RAPGEF5: variants seen among roughly 807,000 people sequenced by gnomAD.
RAPGEF5 encodes the protein Rap guanine nucleotide exchange factor 5.
Under a neutral mutation model 125.2 loss-of-function variants are expected in RAPGEF5, and 65 were observed. That is an observed-to-expected ratio of 0.52 (90% CI 0.43 to 0.64). The LOEUF (loss-of-function observed/expected upper bound fraction) is 0.64, where lower values mean the gene tolerates loss of function less well. Among genes scored for constraint, RAPGEF5 ranks in the 30% least tolerant of loss-of-function variants. The pLI is 0.00. For missense variants in RAPGEF5, 958 were observed against 1,048.1 expected, an observed-to-expected ratio of 0.91 and a Z score of 1.19; for synonymous variants, 391 against 385.9, an observed-to-expected ratio of 1.01 and a Z score of -0.16.
At chr7:22,316,343 T>G (rs948910278) in intron 2 of RAPGEF5, among the ~76,000 whole-genome samples, 10 of 100,666 alleles carry the variant, frequency 9.9e-5, no homozygotes, top group African/African-American at 4.4e-4. Context: ...TTTTTATGTA[T>G]CTACTATATA....
At chr7:22,306,750 C>A (rs1583566377) in intron 5 of RAPGEF5, among the ~76,000 whole-genome samples, 1 of 152,114 alleles carries the variant, frequency 6.6e-6, no homozygotes. Flanking sequence ...AGATAGGGGT[C>A]TAGTTTCATT....
chr7:22,122,713 A>C (rs1233244356), intron 25 of RAPGEF5, among the ~76,000 whole-genome samples, 192 bp from the exon 26 acceptor site: 1 of 152,262 alleles, frequency 6.6e-6, no homozygotes, highest in African/African-American at 2.4e-5. Flanking sequence ...CAGGTCAGGC[A>C]ATCAGACTGG....
intron 7 of RAPGEF5, among the ~76,000 whole-genome samples, chr7:22,232,754 C>T (rs1018348515): frequency 9.9e-5 from 15 of 152,214 alleles, no homozygotes; most frequent in African/African-American, 2.4e-4. Context: ...GCTGTGCATA[C>T]AGTAGGGCTC....
chr7:22,241,075 T>C (rs1159421796), intron 7 of RAPGEF5, among the ~76,000 whole-genome samples: 1 of 152,224 alleles, frequency 6.6e-6, no homozygotes, highest in Non-Finnish European at 1.5e-5. Flanking sequence ...CCTGAGTCTT[T>C]TGATTTGCTT....
In RAPGEF5 at chr7:22,280,085, G is replaced by C. The variant is rs577212114; in HGVS notation, c.747+11090C>G. Among the ~76,000 whole-genome samples, 12 of 152,284 alleles carry C rather than the reference G, an allele frequency of 7.9e-5. No homozygotes were observed. In the East Asian group the frequency reaches 2.3e-3, roughly 29 times the overall value. On this transcript the variant is annotated intron_variant, in intron 6 of 25. Coordinates refer to ENST00000665637, the MANE Select transcript of RAPGEF5 (RefSeq NM_012294.5). ...GTGAGAAGGAAGCCAGAGGCTGGAG[G>C]AACAGTCCTAAAGTTTCAGAAGAAG...
chr7:22,196,799 C>G (rs1302083735), intron 9 of RAPGEF5, among the ~76,000 whole-genome samples: 1 of 152,184 alleles, frequency 6.6e-6, no homozygotes, highest in Non-Finnish European at 1.5e-5. Context: ...ACTAAGACAG[C>G]CTGCCTGCCA....
At chr7:22,161,292 A>G (rs1487685270) in intron 13 of RAPGEF5, among the ~76,000 whole-genome samples, 2 of 152,096 alleles carry the variant, frequency 1.3e-5, no homozygotes, top group Non-Finnish European at 2.9e-5. Flanking sequence ...GTAAATCCCA[A>G]CACTTTGGGA....
intron 13 of RAPGEF5, among the ~76,000 whole-genome samples, chr7:22,161,040 C>CA (rs58855860): frequency 1.0e-3 from 153 of 146,082 alleles, no homozygotes; most frequent in Middle Eastern, 7.1e-3. Flanking sequence ...ACTAAAAATA[C>CA]AAAAAAAAAA....
At chr7:22,273,685 A>G (rs1474375104) in intron 6 of RAPGEF5, among the ~76,000 whole-genome samples, 1 of 152,254 alleles carries the variant, frequency 6.6e-6, no homozygotes, top group Non-Finnish European at 1.5e-5. Flanking sequence ...TTAAACGTCT[A>G]TTAAGTCTGC....
chr7:22,285,773 T>C (rs1782782288), intron 6 of RAPGEF5, among the ~76,000 whole-genome samples: 1 of 152,206 alleles, frequency 6.6e-6, no homozygotes, highest in South Asian at 2.1e-4. Flanking sequence ...TCCAGTGGTA[T>C]TTCTCAGAGG....
chr7:22,353,136 G>A (rs918785346), intron 1 of RAPGEF5, among the ~76,000 whole-genome samples: 1 of 152,106 alleles, frequency 6.6e-6, no homozygotes, highest in African/African-American at 2.4e-5. Flanking sequence ...CAGAATAGAG[G>A]AACAAGCTAA....
At chr7:22,196,410 A>G (rs559848849) in intron 9 of RAPGEF5, among the ~76,000 whole-genome samples, 3 of 152,380 alleles carry the variant, frequency 2.0e-5, no homozygotes, top group Admixed American at 6.5e-5. Flanking sequence ...AATATATTCA[A>G]TGACAAATAG....
At chr7:22,245,379 T>A (rs1562486219) in intron 7 of RAPGEF5, among the ~76,000 whole-genome samples, 1 of 152,204 alleles carries the variant, frequency 6.6e-6, no homozygotes, top group Non-Finnish European at 1.5e-5. Context: ...TCCACAAAAA[T>A]CATTGTCTAG....
At chr7:22,222,098 A>T (rs1018646905) in intron 8 of RAPGEF5, among the ~76,000 whole-genome samples, 2 of 152,114 alleles carry the variant, frequency 1.3e-5, no homozygotes, top group Admixed American at 1.3e-4. Flanking sequence ...AATACAAAAA[A>T]TTAGCCGGGC....
intron 22 of RAPGEF5, among the ~76,000 whole-genome samples, chr7:22,136,706 T>C (rs757365478): frequency 6.6e-6 from 1 of 152,090 alleles, no homozygotes; most frequent in African/African-American, 2.4e-5. Flanking sequence ...TCTGAAAAAA[T>C]CACACTAAAA....
chr7:22,260,294 G>T (rs1167631556), intron 7 of RAPGEF5, among the ~76,000 whole-genome samples: 3 of 152,122 alleles, frequency 2.0e-5, no homozygotes, highest in Admixed American at 2.0e-4. Flanking sequence ...ATAACCACAT[G>T]TCAATGGAGG....
chr7:22,236,906 AT>A (rs1786205176), intron 7 of RAPGEF5, among the ~76,000 whole-genome samples: 1 of 152,166 alleles, frequency 6.6e-6, no homozygotes, highest in African/African-American at 2.4e-5. Flanking sequence ...GATACCTGTG[AT>A]CCCCACTCTA....
chr7:22,154,574 G>C lies in RAPGEF5; in HGVS notation c.1667C>G (p.Ser556Cys). The C allele has an allele frequency of 2.5e-6, 4 of 1,613,774 alleles. No homozygotes were observed. In the South Asian group the frequency reaches 4.4e-5, roughly 18 times the overall value. Residue 556 changes from serine (S) to cysteine (C), a missense_variant, in exon 17 of 26, where the codon TCC becomes TGC. By Grantham distance (112) the Ser-to-Cys change is moderately radical (BLOSUM62 -1). Transcript: ENST00000665637. Reference sequence around the variant, plus strand: ...AACTTTTGCCTTCACACTGACATAGGAGTGCTCTGTTATATACACGTGGCA... The same window carrying C: ...AACTTTTGCCTTCACACTGACATAGCAGTGCTCTGTTATATACACGTGGCA... ...IFCHVYITEH[S>C]YVSVKAKVSS...
chr7:22,188,607 A>T (rs577149206), intron 11 of RAPGEF5, among the ~76,000 whole-genome samples: 90 of 152,092 alleles, frequency 5.9e-4, no homozygotes, highest in Non-Finnish European at 1.0e-3. Context: ...TCTACTGAAA[A>T]TACAAAAAAT....
Sources: allele counts gnomAD v4.1 joint callset (sites outside exome capture counted in the v4.1 genomes callset), GRCh38; gene constraint gnomAD v4.1.1; transcripts MANE v1.5; gene names NCBI Gene and HGNC (gene_info 2026-07-23, HGNC 2026-07-21).